The following PAG1 variants were observed in gnomAD, a reference collection of about 807,000 sequenced individuals.
The protein encoded by PAG1 is phosphoprotein associated with glycosphingolipid-enriched microdomains 1.
A neutral mutation model predicts 31.7 loss-of-function variants in PAG1; 23 were observed. The ratio of observed to expected loss-of-function variants is 0.73; its 90% confidence interval spans 0.52 to 1.03. The LOEUF is 1.03. Ranked by LOEUF, PAG1 falls within the 50% of genes least tolerant of loss-of-function variation. PAG1 has a pLI of 0.00. For synonymous variants in PAG1, 214 were observed against 210.3 expected (o/e 1.02, Z -0.15); for missense variants, 473 against 540.7 (o/e 0.87, Z 1.24).
chr8:81,054,139 G>A (rs1233426051), intron 2 of PAG1, among the ~76,000 whole-genome samples: 1 of 152,136 alleles, frequency 6.6e-6, no homozygotes, highest in East Asian at 1.9e-4. Context: ...AGATCACCCA[G>A]GAAGAACATA....
intron 2 of PAG1, among the ~76,000 whole-genome samples, chr8:81,048,496 T>C (rs151334519): frequency 6.6e-6 from 1 of 152,162 alleles, no homozygotes; most frequent in Non-Finnish European, 1.5e-5. Context: ...AGCAAATAAT[T>C]TGAGTTGATT....
At chr8:81,102,263 C>T (rs1809621688) in intron 1 of PAG1, among the ~76,000 whole-genome samples, 1 of 152,080 alleles carries the variant, frequency 6.6e-6, no homozygotes, top group Non-Finnish European at 1.5e-5. Context: ...CTACAATGCA[C>T]CATGTGTAGT....
intron 1 of PAG1, among the ~76,000 whole-genome samples, chr8:81,101,549 G>A (rs1252542193): frequency 6.6e-6 from 1 of 152,132 alleles, no homozygotes; most frequent in Non-Finnish European, 1.5e-5. Flanking sequence ...AACTACCACA[G>A]ACAGTTACGT....
chr8:81,013,810 C>T (rs952108320), intron 3 of PAG1, among the ~76,000 whole-genome samples: 3 of 152,154 alleles, frequency 2.0e-5, no homozygotes, highest in Non-Finnish European at 2.9e-5. Flanking sequence ...AAACTCCTGA[C>T]CTCAAGTGAT....
At chr8:81,078,434 T>C (rs986843012) in intron 1 of PAG1, among the ~76,000 whole-genome samples, 2 of 151,246 alleles carry the variant, frequency 1.3e-5, no homozygotes, top group Admixed American at 1.3e-4. Flanking sequence ...AATGAGAAGA[T>C]TTGAGTTTAG....
Position 80,976,426 on chromosome 8 carries a change from C to T in PAG1, c.*118G>A, listed in dbSNP as rs1285715131. 13 of 1,057,184 alleles carry T rather than the reference C, an allele frequency of 1.2e-5. No homozygotes were observed. In the East Asian group the frequency reaches 3.1e-4, roughly 25 times the overall value. 65.5% of individuals were successfully genotyped at this position (1,057,184 alleles called of 1,614,324 possible). A position where few individuals can be genotyped will look rare whatever the true frequency, so the allele number is the denominator to read the frequency against. ...AGAACAGTCGACAGGGCCTCTCCAA[C>T]CATCTTCAGGTGACTAAAGCAGCAT... On this transcript the variant is annotated 3_prime_UTR_variant, in exon 9 of 9. Coordinates refer to ENST00000220597, the MANE Select transcript of PAG1 (RefSeq NM_018440.4).
At chr8:81,007,197 G>A (rs1331559207) in intron 3 of PAG1, among the ~76,000 whole-genome samples, 1 of 152,150 alleles carries the variant, frequency 6.6e-6, no homozygotes, top group Non-Finnish European at 1.5e-5. Flanking sequence ...TTAGAGACAT[G>A]TTGTGGGAAG....
chr8:81,046,519 G>C (rs1808644187), intron 2 of PAG1, among the ~76,000 whole-genome samples: 1 of 152,068 alleles, frequency 6.6e-6, no homozygotes, highest in Non-Finnish European at 1.5e-5. Context: ...TATGGGTACA[G>C]GACAGACCTA....
At chr8:81,075,600 C>T (rs914234475) in intron 1 of PAG1, among the ~76,000 whole-genome samples, 3 of 152,216 alleles carry the variant, frequency 2.0e-5, no homozygotes, top group African/African-American at 7.2e-5. Context: ...TTACTTAATG[C>T]TCACAAGGAT....
At chr8:81,026,133 A>G (rs1230567463) in intron 3 of PAG1, among the ~76,000 whole-genome samples, 5 of 152,116 alleles carry the variant, frequency 3.3e-5, no homozygotes, top group African/African-American at 1.2e-4. Context: ...CAGGCAGATT[A>G]AAGTTTAATA....
At chr8:81,040,585 A>T (rs1167418184) in intron 2 of PAG1, among the ~76,000 whole-genome samples, 2 of 152,246 alleles carry the variant, frequency 1.3e-5, no homozygotes, top group East Asian at 3.8e-4. Flanking sequence ...ACATATGTAT[A>T]AGAAGAGATT....
At chr8:81,081,281 T>C (rs1809262423) in intron 1 of PAG1, among the ~76,000 whole-genome samples, 1 of 152,218 alleles carries the variant, frequency 6.6e-6, no homozygotes, top group African/African-American at 2.4e-5. Context: ...ACATGCAAAG[T>C]TCTTTATATA....
Position 80,987,373 on chromosome 8 carries a change from C to A in PAG1, c.271G>T (p.Asp91Tyr). Residue 91 changes from aspartate (D) to tyrosine (Y), a missense_variant, in exon 6 of 9, where the codon GAC (aspartate) becomes TAC (tyrosine). Coordinates refer to ENST00000220597, the MANE Select transcript of PAG1 (RefSeq NM_018440.4). ...CTGGTGTTTTTGCAGAACTTACTGT[C>A]CCCATTGGTGAGTGCCCCATTCTGC... ...SEQNGALTNG[D>Y]ILSEDSTLTC... is the part of the protein sequence containing the mutation. The A allele has an allele frequency of 6.2e-7, 1 of 1,603,594 alleles. No individual in the cohort carries two copies. Among genetic ancestry groups the A allele is most frequent in the Non-Finnish European group, 8.5e-7 (1 of 1,170,426 alleles).
Position 80,969,232 on chromosome 8 carries a change from A to G in PAG1, c.*7312T>C, listed in dbSNP as rs375831326. The stretch of plus-strand genomic sequence containing the variant: ...AAGACAAGTACTATACTCAAAAAGT[A>G]AAGTTAAAAAAAGCAAGCATGCTTA... On this transcript the variant is annotated 3_prime_UTR_variant, in exon 9 of 9. Coordinates refer to ENST00000220597, the MANE Select transcript of PAG1 (RefSeq NM_018440.4). 6.6e-6 allele frequency: 1 copy of G among 152,224 alleles called. No individual in the cohort carries two copies. Among genetic ancestry groups the G allele is most frequent in the South Asian group, 2.1e-4 (1 of 4,816 alleles). The allele number at this position is 152,224 out of a possible 1,614,324, so 9.4% of individuals were successfully genotyped here.
intron 1 of PAG1, among the ~76,000 whole-genome samples, chr8:81,107,785 G>A (rs997211732): frequency 3.3e-5 from 5 of 152,200 alleles, no homozygotes; most frequent in South Asian, 2.1e-4. Context: ...ACTCAGCAAT[G>A]AGCGAGCCCT....
chr8:81,018,624 GT>G (rs1808111430), intron 3 of PAG1, among the ~76,000 whole-genome samples: 1 of 152,236 alleles, frequency 6.6e-6, no homozygotes, highest in Non-Finnish European at 1.5e-5. Context: ...ATAAATGGGA[GT>G]TCCCCTGGCA....
rs1415324155 is a variant in PAG1 at position 81,112,043 on chromosome 8, G to C, written c.-686C>G. 3.9e-5 allele frequency: 6 copies of C among 152,142 alleles called. No homozygotes were observed. The East Asian group carries it at 1.2e-3, about 29-fold the overall frequency. 9.4% of individuals were successfully genotyped at this position (152,142 alleles called of 1,614,324 possible). A position where few individuals can be genotyped will look rare whatever the true frequency, so the allele number is the denominator to read the frequency against. On this transcript the variant is annotated 5_prime_UTR_variant, in exon 1 of 9. Coordinates refer to ENST00000220597, the MANE Select transcript of PAG1 (RefSeq NM_018440.4). ...AGCGAGCGGGAGGGTACCGCAGCCA[G>C]CACTCGCCGCCGCGCCGCGGAGAAT...
chr8:81,042,921 G>A (rs1441379383), intron 2 of PAG1, among the ~76,000 whole-genome samples: 1 of 152,062 alleles, frequency 6.6e-6, no homozygotes, highest in African/African-American at 2.4e-5. Context: ...TCATCTCACG[G>A]CACTGTTTCT....
intron 2 of PAG1, among the ~76,000 whole-genome samples, chr8:81,056,960 C>T (rs1258180975): frequency 6.6e-6 from 1 of 152,210 alleles, no homozygotes; most frequent in Non-Finnish European, 1.5e-5. Context: ...CCAACAGACA[C>T]ATGAAAAAGT....
Sources: allele counts gnomAD v4.1 joint callset (sites outside exome capture counted in the v4.1 genomes callset), GRCh38; gene constraint gnomAD v4.1.1; transcripts MANE v1.5; gene names NCBI Gene and HGNC (gene_info 2026-07-23, HGNC 2026-07-21).